TFCP2L1: variants seen among roughly 807,000 people sequenced by gnomAD.
TFCP2L1 encodes transcription factor CP2-like protein 1.
In TFCP2L1, 12 loss-of-function variants were observed where a neutral mutation model predicts 72.2. The ratio of observed to expected loss-of-function variants is 0.17; its 90% CI spans 0.11 to 0.27. The LOEUF (loss-of-function observed/expected upper bound fraction) is 0.27. TFCP2L1 is among the 10% of genes least tolerant of loss of function. TFCP2L1 has a pLI of 1.00. For synonymous variants in TFCP2L1, 260 were observed against 251.0 expected, an observed-to-expected ratio of 1.04 and a Z score of -0.34; for missense variants, 488 against 624.6, an observed-to-expected ratio of 0.78 and a Z score of 2.33.
At chr2:121,269,934 T>TATATATATATATATAG (rs1687013835) in intron 2 of TFCP2L1, among the ~76,000 whole-genome samples, 1 of 121,760 alleles carries the variant, frequency 8.2e-6, no homozygotes, top group African/African-American at 3.5e-5. Flanking sequence ...TATATATATA[T>TATATATATATATATAG]ATGCAAAAGA....
rs540880885 is a variant in TFCP2L1, at chr2:121,280,009, C to T, written c.214+1111G>A. On this transcript the variant is annotated intron_variant, in intron 2 of 14. Transcript: ENST00000263707. ...ACGACCCAGAAGAAAGTGCAAAAAA[C>T]GCATACTCATAATCATGATAGAACC... Among the ~76,000 whole-genome samples, 34 of 152,194 alleles carry T rather than the reference C, an allele frequency of 2.2e-4. No homozygotes were observed. The East Asian group carries it at 4.2e-3, about 19-fold the overall frequency.
At chr2:121,251,041 C>T (rs900762120) in intron 2 of TFCP2L1, among the ~76,000 whole-genome samples, 5 of 151,820 alleles carry the variant, frequency 3.3e-5, no homozygotes, top group Non-Finnish European at 7.4e-5. Flanking sequence ...GGTGGGATCA[C>T]TTGTGGTCAG....
chr2:121,271,287 C>T (rs530119640), intron 2 of TFCP2L1, among the ~76,000 whole-genome samples: 6 of 151,392 alleles, frequency 4.0e-5, no homozygotes, highest in Non-Finnish European at 7.4e-5. Context: ...GTACACGTGG[C>T]GAACATATAT....
rs539611266 is a variant in TFCP2L1 at position 121,235,565 on chromosome 2, T to G, written c.1004-254A>C. 3.6e-3 allele frequency among the ~76,000 whole-genome samples: 354 copies of G among 98,212 alleles called. 1 individual carries two copies. Among genetic ancestry groups the G allele is most frequent in the Non-Finnish European group, 4.7e-3 (189 of 40,280 alleles). 64.4% of individuals were successfully genotyped at this position (98,212 alleles called of 152,430 possible). A position where few individuals can be genotyped will look rare whatever the true frequency, so the allele number is the denominator to read the frequency against. On this transcript the variant is annotated intron_variant, in intron 10 of 14. Transcript: ENST00000263707. Reference sequence around the variant, plus strand: ...GCCTCATTGCCTGCCCTGCTTGCTTTCTTTCTTTCTTTTTTTTTTTTTTTT... The same window carrying G: ...GCCTCATTGCCTGCCCTGCTTGCTTGCTTTCTTTCTTTTTTTTTTTTTTTT...
chr2:121,235,725 T>G lies in TFCP2L1; in HGVS notation c.1004-414A>C, dbSNP rs78704843. Reference sequence around the variant, plus strand: ...ATGAGTCACTGCATCTGGCCTCTTCTCTTTTTTTTTTGACATATAATCTGT... The same window carrying G: ...ATGAGTCACTGCATCTGGCCTCTTCGCTTTTTTTTTTGACATATAATCTGT... On this transcript the variant is annotated intron_variant, in intron 10 of 14. Transcript: ENST00000263707. Among the ~76,000 whole-genome samples the G allele has an allele frequency of 9.6e-3, 1,455 of 150,902 alleles. 12 individuals carry two copies. Among genetic ancestry groups the G allele is most frequent in the African/African-American group, 0.032 (1,319 of 41,298 alleles).
chr2:121,250,334 C>T (rs910322324), intron 2 of TFCP2L1, among the ~76,000 whole-genome samples: 3 of 148,782 alleles, frequency 2.0e-5, no homozygotes, highest in African/African-American at 7.5e-5. Context: ...ACACCATGTT[C>T]CCAGAAGACT....
chr2:121,240,018 C>T (rs529471753), intron 7 of TFCP2L1: 39 of 983,298 alleles, frequency 4.0e-5, no homozygotes, highest in Non-Finnish European at 4.5e-5. Flanking sequence ...GAGACAAATT[C>T]GTGTAAATGT....
In TFCP2L1 at chr2:121,224,345, A is replaced by G. The variant is rs1216734874; in HGVS notation, c.1436T>C (p.Leu479Pro). 6.2e-7 allele frequency: 1 copy of G among 1,614,062 alleles called. No homozygotes were observed. Among genetic ancestry groups the G allele is most frequent in the Non-Finnish European group, 8.5e-7 (1 of 1,180,024 alleles). ...AGGTATGAGGTCCACTGCTGCTCAG[A>G]GTCCACATTTCAGGATGATGTGGTA... is the stretch of plus-strand genomic sequence containing the variant. ...DGYHIILKCG[L>P] The change falls in exon 15 of 15, where the codon CTC becomes CCC. Residue 479 changes from leucine to proline, a missense_variant. Coordinates refer to ENST00000263707, the MANE Select transcript of TFCP2L1 (RefSeq NM_014553.3).
intron 1 of TFCP2L1, among the ~76,000 whole-genome samples, chr2:121,284,086 T>C (rs1687318069): frequency 6.6e-6 from 1 of 152,244 alleles, no homozygotes; most frequent in African/African-American, 2.4e-5. Context: ...TTTTAAGATC[T>C]AAGTGGGAAC....
intron 2 of TFCP2L1, among the ~76,000 whole-genome samples, chr2:121,277,240 C>T (rs1687166983): frequency 6.6e-6 from 1 of 152,080 alleles, no homozygotes; most frequent in Admixed American, 6.6e-5. Flanking sequence ...TGGTACACAC[C>T]TATAGTCACA....
intron 2 of TFCP2L1, among the ~76,000 whole-genome samples, chr2:121,273,975 C>CATGTACATGGCT (rs1255574400): frequency 4.6e-5 from 7 of 151,820 alleles, no homozygotes; most frequent in Admixed American, 2.0e-4. Context: ...GCGCCTGTAA[C>CATGTACATGGCT]CCCAGCTACT....
At chr2:121,275,220 T>C (rs1170913570) in intron 2 of TFCP2L1, among the ~76,000 whole-genome samples, 2 of 151,752 alleles carry the variant, frequency 1.3e-5, no homozygotes, top group East Asian at 2.0e-4. Context: ...CCATCTCTAC[T>C]AAAAATACAA....
chr2:121,227,859 C>T (rs1181017703), intron 13 of TFCP2L1, among the ~76,000 whole-genome samples: 2 of 152,294 alleles, frequency 1.3e-5, no homozygotes, highest in East Asian at 3.9e-4. Context: ...ATCCACCTGT[C>T]GCCCCCGCCC....
chr2:121,256,426 G>T (rs997712559), intron 2 of TFCP2L1, among the ~76,000 whole-genome samples: 3 of 152,094 alleles, frequency 2.0e-5, no homozygotes, highest in Admixed American at 1.3e-4. Flanking sequence ...AATAGTGTGG[G>T]ATAACTGGTT....
chr2:121,244,045 C>T (rs1294980062), intron 6 of TFCP2L1, among the ~76,000 whole-genome samples: 1 of 152,146 alleles, frequency 6.6e-6, no homozygotes, highest in African/African-American at 2.4e-5. Flanking sequence ...ATCCAGCGTC[C>T]CGGGTAAGAG....
chr2:121,257,242 C>G (rs76368833), intron 2 of TFCP2L1, among the ~76,000 whole-genome samples: 1 of 152,206 alleles, frequency 6.6e-6, no homozygotes, highest in African/African-American at 2.4e-5. Context: ...CACCACCCAC[C>G]CCCACCTCAG....
intron 2 of TFCP2L1, among the ~76,000 whole-genome samples, chr2:121,257,013 G>A (rs1354867716): frequency 6.6e-6 from 1 of 152,154 alleles, no homozygotes; most frequent in Admixed American, 6.5e-5. Flanking sequence ...ACCATACCGG[G>A]CAGGAGTGCC....
rs1422828223 is a variant in TFCP2L1 at position 121,220,885 on chromosome 2, C to A, written c.*3456G>T. On this transcript the variant is annotated 3_prime_UTR_variant, in exon 15 of 15. Transcript: ENST00000263707. ...CATAAGCTATAAGCTTTAACTACAA[C>A]CACGAGAAGGTAAGAAGAGCAGATG... is the stretch of plus-strand genomic sequence containing the variant. 1 of 152,170 alleles carries A rather than the reference C, an allele frequency of 6.6e-6. No homozygotes were observed. The highest frequency in any genetic ancestry group is 2.4e-5 in the African/African-American group (1 of 41,440). The allele number at this position is 152,170 out of a possible 1,614,324, so 9.4% of individuals were successfully genotyped here.
In TFCP2L1 at chr2:121,255,903, C is replaced by T. The variant is rs569471713; in HGVS notation, c.215-6256G>A. On this transcript the variant is annotated intron_variant, in intron 2 of 14. Coordinates refer to ENST00000263707, the MANE Select transcript of TFCP2L1 (RefSeq NM_014553.3). ...GACTGCAGGCGCCCGCCACCTCGCC[C>T]GGCTAATTTTTTGTATTTTTAGTAG... Among the ~76,000 whole-genome samples, 10 of 152,202 alleles carry T rather than the reference C, an allele frequency of 6.6e-5. 1 individual carries two copies. The highest frequency in any genetic ancestry group is 3.9e-4 in the Admixed American group (6 of 15,280).
Sources: allele counts gnomAD v4.1 joint callset (sites outside exome capture counted in the v4.1 genomes callset), GRCh38; gene constraint gnomAD v4.1.1; transcripts MANE v1.5; gene names NCBI Gene and HGNC (gene_info 2026-07-23, HGNC 2026-07-21).